Variants in UPP2 observed in about 807,000 individuals in gnomAD.
UPP2 encodes uridine phosphorylase 2, also known as UPase 2.
In UPP2, 23 loss-of-function variants were observed where a neutral mutation model predicts 26.7. The observed-to-expected ratio is 0.86, with a 90% CI of 0.62 to 1.22. The LOEUF (loss-of-function observed/expected upper bound fraction) is 1.22, where lower values mean the gene tolerates loss of function less well. Ranked by LOEUF, UPP2 falls within the 50% of genes most tolerant of loss-of-function variation. The pLI is 0.00. For missense variants in UPP2, 387 were observed against 396.7 expected, an observed-to-expected ratio of 0.98 and a Z score of 0.21; for synonymous variants, 127 against 141.3, an observed-to-expected ratio of 0.90 and a Z score of 0.72.
rs949674604 is a variant in UPP2, at chr2:158,023,763, C to T, written c.147+7877C>T. On this transcript the variant is annotated intron_variant, in intron 3 of 9. Coordinates refer to the UPP2 transcript ENST00000605860. Reference sequence around the variant, plus strand: ...GAGGGAGACACCATACACAAGCAGCCACTCTTCTGGTGGCCCATGGCTTCT... The same window carrying T: ...GAGGGAGACACCATACACAAGCAGCTACTCTTCTGGTGGCCCATGGCTTCT... 2.4e-3 allele frequency among the ~76,000 whole-genome samples: 363 copies of T among 152,296 alleles called. 4 individuals carry two copies. The highest frequency in any genetic ancestry group is 1.7e-3 in the Non-Finnish European group (118 of 68,018).
intron 3 of UPP2, among the ~76,000 whole-genome samples, chr2:158,090,309 G>T (rs1682889371): frequency 6.6e-6 from 1 of 152,084 alleles, no homozygotes; most frequent in African/African-American, 2.4e-5. Flanking sequence ...AGACCATCCT[G>T]GCTAACACGG....
intron 3 of UPP2, among the ~76,000 whole-genome samples, chr2:158,023,231 G>GGGGGT (rs1683782362): frequency 3.2e-5 from 1 of 31,358 alleles, no homozygotes; most frequent in African/African-American, 5.7e-5. Context: ...GCTGTCAGTT[G>GGGGGT]GGGGGGGGCA....
At chr2:158,097,389 A>G (rs564898990), upstream of UPP2, among the ~76,000 whole-genome samples, 4 of 152,114 alleles carry the variant, frequency 2.6e-5, no homozygotes, top group East Asian at 7.7e-4. Context: ...CTATATATAT[A>G]TATATAGAGA....
chr2:158,115,145 A>G lies in UPP2; in HGVS notation c.225A>G (p.Ala75=), dbSNP rs1163804465. The G allele has an allele frequency of 6.2e-7, 1 of 1,613,352 alleles. No homozygotes were observed. Among genetic ancestry groups the G allele is most frequent in the Non-Finnish European group, 8.5e-7 (1 of 1,179,720 alleles). ...GGSPNRMKAF[A]LFMHKELGFE... ...GCCCCAACAGAATGAAAGCATTTGC[A>G]CTGTTTATGCACAAGGAGCTCGGGT... Residue 75 remains alanine (A), a synonymous_variant, in exon 3 of 7, where the codon GCA becomes GCG. Transcript: ENST00000005756.
chr2:158,071,362 C>T (rs914134065), intron 3 of UPP2, among the ~76,000 whole-genome samples: 1 of 151,874 alleles, frequency 6.6e-6, no homozygotes, highest in Non-Finnish European at 1.5e-5. Context: ...ACCAGCCTGG[C>T]CAACATGGTG....
At chr2:157,995,804 A>C (rs1465696087) in intron 2 of UPP2, among the ~76,000 whole-genome samples, 1 of 151,980 alleles carries the variant, frequency 6.6e-6, no homozygotes, top group African/African-American at 2.4e-5. Flanking sequence ...CTGAGCATTA[A>C]TGGTTTTGAA....
chr2:158,031,292 T>A (rs1372131335), intron 3 of UPP2, among the ~76,000 whole-genome samples: 2 of 152,204 alleles, frequency 1.3e-5, no homozygotes, highest in African/African-American at 4.8e-5. Context: ...CGTAAGGTCC[T>A]GTGGCTACAT....
At chr2:157,996,797 T>C (rs1372029429) in intron 2 of UPP2, among the ~76,000 whole-genome samples, 1 of 152,220 alleles carries the variant, frequency 6.6e-6, no homozygotes, top group East Asian at 1.9e-4. Context: ...GGAAAGTCTT[T>C]CTTATAAAGA....
At chr2:158,059,257 C>T (rs1479505871) in intron 3 of UPP2, among the ~76,000 whole-genome samples, 2 of 152,204 alleles carry the variant, frequency 1.3e-5, no homozygotes, top group Non-Finnish European at 2.9e-5. Flanking sequence ...ACTTACAGAC[C>T]TTGCTGCCCA....
At chr2:158,038,314 G>A (rs1684033559) in intron 3 of UPP2, among the ~76,000 whole-genome samples, 1 of 152,204 alleles carries the variant, frequency 6.6e-6, no homozygotes, top group Non-Finnish European at 1.5e-5. Context: ...AAAGTGATGT[G>A]AGGCTGATTT....
chr2:158,108,288 G>A (rs993865674), intron 2 of UPP2, among the ~76,000 whole-genome samples: 1 of 152,054 alleles, frequency 6.6e-6, no homozygotes. Flanking sequence ...TTACAGATGA[G>A]AAAACACAGG....
intron 3 of UPP2, among the ~76,000 whole-genome samples, chr2:158,058,846 A>C (rs1682305497): frequency 6.6e-6 from 1 of 152,164 alleles, no homozygotes; most frequent in Non-Finnish European, 1.5e-5. Flanking sequence ...TAAATAAGGA[A>C]AGTGAATGGT....
chr2:158,024,034 G>A (rs566792042), intron 3 of UPP2, among the ~76,000 whole-genome samples: 1 of 152,284 alleles, frequency 6.6e-6, no homozygotes, highest in African/African-American at 2.4e-5. Context: ...GAACTTGAAT[G>A]TGCATTAAAA....
intron 6 of UPP2, chr2:158,126,545 G>A (rs1012053744): frequency 6.6e-6 from 1 of 152,186 alleles, no homozygotes. Context: ...ACCAAGTATA[G>A]AGACCGAAAA....
intron 2 of UPP2, among the ~76,000 whole-genome samples, chr2:158,107,917 C>T (rs1432370193): frequency 6.6e-6 from 1 of 152,108 alleles, no homozygotes; most frequent in Non-Finnish European, 1.5e-5. Context: ...TTTTGGTTTA[C>T]TTATGCTCCA....
rs187646746 is a variant in UPP2 at position 158,124,621 on chromosome 2, G to C, written c.811+726G>C. ...GAAGCAGGGAGAAGAACGAGAAGGC[G>C]AACGCAGTAGTCTAGTGAGAGTTGA... On this transcript the variant is annotated intron_variant, in intron 6 of 6. Coordinates refer to ENST00000005756, the MANE Select transcript of UPP2 (RefSeq NM_173355.4). Among the ~76,000 whole-genome samples, 15 of 152,336 alleles carry C rather than the reference G, an allele frequency of 9.8e-5. No individual in the cohort carries two copies. The East Asian group carries it at 2.9e-3, about 29-fold the overall frequency.
chr2:158,051,157 A>ATG (rs57745839), intron 3 of UPP2, among the ~76,000 whole-genome samples: 13,445 of 144,808 alleles, frequency 0.093, 677 homozygotes, highest in African/African-American at 0.14. Flanking sequence ...CTCTAGGAAT[A>ATG]TGTGTGTGTG....
At chr2:158,123,494 C>T (rs1049020526) in intron 5 of UPP2, among the ~76,000 whole-genome samples, 7 of 152,154 alleles carry the variant, frequency 4.6e-5, no homozygotes, top group Non-Finnish European at 1.0e-4. Flanking sequence ...TGCAGCCACT[C>T]AACAGTTACT....
intron 3 of UPP2, among the ~76,000 whole-genome samples, chr2:158,054,870 A>G (rs1019756325): frequency 5.3e-5 from 8 of 152,016 alleles, no homozygotes; most frequent in African/African-American, 1.9e-4. Context: ...ATAAATTCAC[A>G]GTGTTGTGAA....
Sources: allele counts gnomAD v4.1 joint callset (sites outside exome capture counted in the v4.1 genomes callset), GRCh38; gene constraint gnomAD v4.1.1; transcripts MANE v1.5; gene names NCBI Gene and HGNC (gene_info 2026-07-23, HGNC 2026-07-21).